The following ADAM23 variants were observed in gnomAD, a reference collection of about 807,000 sequenced individuals.
The protein encoded by ADAM23 is ADAM metallopeptidase domain 23.
ADAM23 carries 33 observed loss-of-function variants against 120.1 expected under a neutral mutation model. That is an observed-to-expected ratio of 0.27 (90% CI 0.21 to 0.37). The LOEUF (loss-of-function observed/expected upper bound fraction) is 0.37. Ranked by LOEUF, ADAM23 falls within the 10% of genes least tolerant of loss-of-function variation. The pLI, the probability that ADAM23 is intolerant of heterozygous loss-of-function variation, is 1.00. For synonymous variants in ADAM23, 367 were observed against 375.2 expected, an observed-to-expected ratio of 0.98 and a Z score of 0.25; for missense variants, 862 against 1,058.2, an observed-to-expected ratio of 0.81 and a Z score of 2.57.
intron 3 of ADAM23, among the ~76,000 whole-genome samples, chr2:206,504,159 TA>T (rs1696447969): frequency 6.6e-6 from 1 of 152,154 alleles, no homozygotes; most frequent in Non-Finnish European, 1.5e-5. Context: ...ATACAACTTT[TA>T]AAAAAGGTGC....
intron 18 of ADAM23, among the ~76,000 whole-genome samples, chr2:206,580,382 G>T (rs746442520): frequency 6.6e-6 from 1 of 152,126 alleles, no homozygotes; most frequent in Non-Finnish European, 1.5e-5. Flanking sequence ...TTACATTGAG[G>T]TATGTCCCTT....
chr2:206,548,312 C>G lies in ADAM23; in HGVS notation c.825C>G (p.Leu275=), dbSNP rs1697440965. The G allele has an allele frequency of 6.2e-7, 1 of 1,611,880 alleles. No individual in the cohort carries two copies. The highest frequency in any genetic ancestry group is 1.7e-5 in the Admixed American group (1 of 59,996). Residue 275 remains leucine (L), a synonymous_variant, in exon 8 of 26, where the codon CTC becomes CTG. Coordinates refer to ENST00000264377, the MANE Select transcript of ADAM23 (RefSeq NM_003812.4). ...TMERGDQWPF[L]SELQWLKRRK... is the part of the protein sequence containing the mutation. ...AAAGAGGTGACCAGTGGCCCTTTCTCTCTGAATTACAGTGGTTGAAAAGAA... is the reference window on the plus strand; with the variant it reads ...AAAGAGGTGACCAGTGGCCCTTTCTGTCTGAATTACAGTGGTTGAAAAGAA...
intron 25 of ADAM23, among the ~76,000 whole-genome samples, chr2:206,616,588 G>A (rs761105635): frequency 3.3e-5 from 5 of 152,118 alleles, no homozygotes; most frequent in Non-Finnish European, 4.4e-5. Flanking sequence ...AATTACTTGT[G>A]GGGGAGGAGG....
At chr2:206,607,841 ATAGAG>A in intron 24 of ADAM23, 4 of 307,644 alleles carry the variant, frequency 1.3e-5, no homozygotes, top group South Asian at 1.2e-4. Context: ...AGTTTAATTG[ATAGAG>A]TAATGTTCAT....
intron 2 of ADAM23, among the ~76,000 whole-genome samples, chr2:206,475,202 G>A (rs768202859): frequency 2.0e-5 from 3 of 152,172 alleles, no homozygotes; most frequent in Non-Finnish European, 2.9e-5. Context: ...TGATTAAAAT[G>A]TAAGAAATGT....
rs10194178 is a variant in ADAM23, at chr2:206,499,598, C to T, written c.509+18290C>T. Reference sequence around the variant, plus strand: ...GGCACATGTATACATATGTAACAAACCTGCACGTTGTGCACATGTACCCTA... The same window carrying T: ...GGCACATGTATACATATGTAACAAATCTGCACGTTGTGCACATGTACCCTA... On this transcript the variant is annotated intron_variant, in intron 3 of 25. Transcript: ENST00000264377. 4.3e-3 allele frequency among the ~76,000 whole-genome samples: 650 copies of T among 151,794 alleles called. 5 individuals are homozygous for T. Among genetic ancestry groups the T allele is most frequent in the African/African-American group, 0.015 (619 of 41,366 alleles).
chr2:206,525,891 G>A (rs893133478), intron 3 of ADAM23, among the ~76,000 whole-genome samples: 3 of 152,022 alleles, frequency 2.0e-5, no homozygotes, highest in African/African-American at 7.2e-5. Flanking sequence ...CGTCTGGCTG[G>A]TTCTTTGTTT....
intron 25 of ADAM23, among the ~76,000 whole-genome samples, chr2:206,614,909 G>T (rs1698905692): frequency 6.6e-6 from 1 of 152,052 alleles, no homozygotes; most frequent in Admixed American, 6.6e-5. Context: ...GGACTCCTGG[G>T]TTAGGCACTT....
In ADAM23 at chr2:206,444,072, C is replaced by T; in HGVS notation, c.206C>T (p.Ala69Val). 3 of 1,364,526 alleles carry T rather than the reference C, an allele frequency of 2.2e-6. No homozygotes were observed. The highest frequency in any genetic ancestry group is 1.7e-5 in the South Asian group (1 of 57,240). 84.5% of individuals were successfully genotyped at this position (1,364,526 alleles called of 1,614,324 possible). ...SSRPRAWGAAAPSAPHWNETA... is the reference protein window; with the variant it reads ...SSRPRAWGAAVPSAPHWNETA... ...CGGCCCCGCGCCTGGGGGGCTGCTG[C>T]GCCCAGCGGTGGGTATGGCCCCGTG... is the stretch of plus-strand genomic sequence containing the variant. Residue 69 changes from alanine (A) to valine (V), a missense_variant, in exon 1 of 26, where the codon GCG (alanine) becomes GTG (valine). By Grantham distance (64) the Ala-to-Val change is moderately conservative. Coordinates refer to ENST00000264377, the MANE Select transcript of ADAM23 (RefSeq NM_003812.4).
intron 24 of ADAM23, among the ~76,000 whole-genome samples, chr2:206,608,294 A>G (rs1400805057): frequency 6.6e-6 from 1 of 152,202 alleles, no homozygotes; most frequent in Non-Finnish European, 1.5e-5. Context: ...CAGTGGGGCT[A>G]GATTTGGTCT....
At chr2:206,444,226 C>T in intron 1 of ADAM23, 146 bp downstream of exon 1, 2 of 574,892 alleles carry the variant, frequency 3.5e-6, no homozygotes, top group Non-Finnish European at 5.1e-6. Context: ...CCTTCTCGTT[C>T]CCAAACCCCC....
chr2:206,498,042 G>A (rs1696295825), intron 3 of ADAM23, among the ~76,000 whole-genome samples: 1 of 152,104 alleles, frequency 6.6e-6, no homozygotes, highest in Admixed American at 6.5e-5. Flanking sequence ...TCATGGGTAG[G>A]AAGAATCAAT....
chr2:206,448,980 G>C (rs1215259453), intron 2 of ADAM23, among the ~76,000 whole-genome samples: 1 of 152,196 alleles, frequency 6.6e-6, no homozygotes, highest in Non-Finnish European at 1.5e-5. Flanking sequence ...GCCTCCATCT[G>C]GGGCTTGAGA....
chr2:206,620,160 A>T lies in ADAM23; in HGVS notation c.*2533A>T, dbSNP rs1251806756. 6.6e-6 allele frequency: 1 copy of T among 152,196 alleles called. No individual in the cohort carries two copies. The allele number at this position is 152,196 out of a possible 1,614,324, so 9.4% of individuals were successfully genotyped here. A position where few individuals can be genotyped will look rare whatever the true frequency, so the allele number is the denominator to read the frequency against. ...ACAAAATCATGTTGGTTACAAAACA[A>T]ATTAAATCTCTATTGTTAACTTTTA... On this transcript the variant is annotated 3_prime_UTR_variant, in exon 26 of 26. Transcript: ENST00000264377.
intron 2 of ADAM23, among the ~76,000 whole-genome samples, chr2:206,479,310 A>AGGG (rs1245797899): frequency 6.6e-6 from 1 of 152,138 alleles, no homozygotes; most frequent in Non-Finnish European, 1.5e-5. Context: ...ATTTGCTATA[A>AGGG]AATAAGCCTT....
At chr2:206,491,236 A>G (rs1220276443) in intron 3 of ADAM23, among the ~76,000 whole-genome samples, 1 of 152,072 alleles carries the variant, frequency 6.6e-6, no homozygotes, top group African/African-American at 2.4e-5. Context: ...GGCTAGAGAA[A>G]TGAGGAGGGC....
chr2:206,533,311 C>T (rs1425354738), intron 4 of ADAM23, among the ~76,000 whole-genome samples: 1 of 152,126 alleles, frequency 6.6e-6, no homozygotes, highest in African/African-American at 2.4e-5. Flanking sequence ...AAGCGATTCT[C>T]CTGCCTCAGT....
chr2:206,517,819 C>T (rs1023253989), intron 3 of ADAM23, among the ~76,000 whole-genome samples: 8 of 152,094 alleles, frequency 5.3e-5, no homozygotes, highest in East Asian at 1.9e-4. Context: ...ATAGTAAATT[C>T]GCCATAATGG....
At chr2:206,466,245 T>C (rs1333604024) in intron 2 of ADAM23, among the ~76,000 whole-genome samples, 1 of 152,216 alleles carries the variant, frequency 6.6e-6, no homozygotes, top group Non-Finnish European at 1.5e-5. Context: ...TGTGGTTTGT[T>C]AGAGAGCTGT....
Sources: gnomAD v4.1 joint callset for allele counts (sites outside exome capture counted in the v4.1 genomes callset) on GRCh38, gnomAD v4.1.1 for gene constraint, MANE v1.5 for transcripts, NCBI Gene and HGNC (gene_info 2026-07-23, HGNC 2026-07-21) for gene names.